The following SH3BGRL2 variants were observed in gnomAD, a reference collection of about 807,000 sequenced individuals.
SH3BGRL2 encodes the protein SH3 domain binding glutamate rich protein like 2, also known as SH3 domain-binding glutamic acid-rich-like protein 2.
Under a neutral mutation model 14.8 loss-of-function variants are expected in SH3BGRL2, and 21 were observed. The observed-to-expected ratio is 1.42, with a 90% CI of 1.01 to 2.05. The LOEUF is 2.05. Ranked by LOEUF, SH3BGRL2 falls within the 30% of genes most tolerant of loss-of-function variation. SH3BGRL2 has a pLI of 0.00. For missense variants in SH3BGRL2, 147 were observed against 130.8 expected (o/e 1.12, Z -0.61); for synonymous variants, 50 against 47.8 (o/e 1.05, Z -0.19).
the SH3BGRL2 span, among the ~76,000 whole-genome samples, chr6:79,625,062 A>C: frequency 2.0e-5 from 3 of 151,968 alleles, no homozygotes; most frequent in African/African-American, 7.3e-5. Flanking sequence ...AGTTCCAGCT[A>C]CTCAGGGAGC....
At chr6:79,620,383 G>A in the SH3BGRL2 span, among the ~76,000 whole-genome samples, 85 of 152,038 alleles carry the variant, frequency 5.6e-4, no homozygotes, top group African/African-American at 2.0e-3. Context: ...AGTGCAATGA[G>A]GTGCGTTTAT....
chr6:79,629,363 G>C (rs1467595143), upstream of SH3BGRL2, among the ~76,000 whole-genome samples: 1 of 152,038 alleles, frequency 6.6e-6, no homozygotes, highest in Non-Finnish European at 1.5e-5. Flanking sequence ...GCTTGGCCTT[G>C]CTTGGCTTAG....
intron 1 of SH3BGRL2, among the ~76,000 whole-genome samples, chr6:79,668,781 A>G (rs1235230872): frequency 1.3e-5 from 2 of 152,190 alleles, no homozygotes; most frequent in East Asian, 1.9e-4. Flanking sequence ...TTAACTGACA[A>G]TAGAATTTAT....
At chr6:79,538,032 T>TG in the SH3BGRL2 span, among the ~76,000 whole-genome samples, 2 of 113,062 alleles carry the variant, frequency 1.8e-5, no homozygotes, top group South Asian at 2.6e-4. Flanking sequence ...TTTTTTTTTT[T>TG]TTTTTTTTTT....
At chr6:79,649,985 T>TCACACACACACA (rs1554202291) in intron 1 of SH3BGRL2, among the ~76,000 whole-genome samples, 28 of 142,072 alleles carry the variant, frequency 2.0e-4, no homozygotes, top group African/African-American at 2.6e-4. Context: ...TCTCTCTCTC[T>TCACACACACACA]CACACACACA....
At chr6:79,693,924 A>G (rs1326119435) in intron 2 of SH3BGRL2, among the ~76,000 whole-genome samples, 1 of 152,212 alleles carries the variant, frequency 6.6e-6, no homozygotes, top group African/African-American at 2.4e-5. Context: ...CTTAAGGGAT[A>G]TATAAACTAG....
At chr6:79,537,883 G>C in the SH3BGRL2 span, among the ~76,000 whole-genome samples, 1 of 152,092 alleles carries the variant, frequency 6.6e-6, no homozygotes, top group Non-Finnish European at 1.5e-5. Context: ...GGAGGATGCG[G>C]GGTGAGTGCA....
At chr6:79,599,761 C>T in the SH3BGRL2 span, among the ~76,000 whole-genome samples, 3 of 152,280 alleles carry the variant, frequency 2.0e-5, no homozygotes, top group South Asian at 6.2e-4. Flanking sequence ...AGAGGACATT[C>T]TGCAAATAGA....
chr6:79,661,585 T>G (rs547522932), intron 1 of SH3BGRL2, among the ~76,000 whole-genome samples: 2 of 152,198 alleles, frequency 1.3e-5, no homozygotes, highest in Admixed American at 6.5e-5. Flanking sequence ...TGCGATATGG[T>G]GCTGAGAAGA....
chr6:79,647,846 C>CT (rs551536793), intron 1 of SH3BGRL2, among the ~76,000 whole-genome samples: 7 of 152,088 alleles, frequency 4.6e-5, no homozygotes, highest in Non-Finnish European at 1.0e-4. Context: ...TTTCCCTGTT[C>CT]TTTTTTGTCA....
At chr6:79,698,880 T>G (rs1308960602) in intron 3 of SH3BGRL2, among the ~76,000 whole-genome samples, 3 of 152,014 alleles carry the variant, frequency 2.0e-5, no homozygotes, top group Non-Finnish European at 4.4e-5. Flanking sequence ...CCATCAAAGT[T>G]AAAATTTAGT....
At chr6:79,637,632 G>A (rs1768951633) in intron 1 of SH3BGRL2, among the ~76,000 whole-genome samples, 1 of 151,934 alleles carries the variant, frequency 6.6e-6, no homozygotes, top group Non-Finnish European at 1.5e-5. Flanking sequence ...AGTAGAGATT[G>A]CATGAGCCGA....
the SH3BGRL2 span, among the ~76,000 whole-genome samples, chr6:79,554,928 T>C: frequency 2.6e-5 from 3 of 117,526 alleles, no homozygotes; most frequent in South Asian, 3.4e-4. Flanking sequence ...GCACAAATAT[T>C]ATTATTACAG....
the SH3BGRL2 span, among the ~76,000 whole-genome samples, chr6:79,556,436 T>C: frequency 6.6e-6 from 1 of 152,144 alleles, no homozygotes; most frequent in African/African-American, 2.4e-5. Flanking sequence ...TAGAAAACTT[T>C]AAAAAATTAT....
At chr6:79,555,101 C>G in the SH3BGRL2 span, among the ~76,000 whole-genome samples, 439 of 152,162 alleles carry the variant, frequency 2.9e-3, 1 homozygote, top group African/African-American at 9.7e-3. Flanking sequence ...TAAGTCATCC[C>G]AAACTGATTT....
In SH3BGRL2 at chr6:79,695,298, A is replaced by G. The variant is rs116403809; in HGVS notation, c.232-1187A>G. Among the ~76,000 whole-genome samples the G allele has an allele frequency of 4.9e-3, 751 of 152,368 alleles. 9 individuals are homozygous for G. The highest frequency in any genetic ancestry group is 0.017 in the African/African-American group (719 of 41,584). On this transcript the variant is annotated intron_variant, in intron 2 of 3. Transcript: ENST00000369838. The stretch of plus-strand genomic sequence containing the variant: ...AAATGACAGAAGGAGCAGCCTGTGA[A>G]AAACCTGAGGCTACTGCCTTCCAAA...
At chr6:79,585,394 T>C in the SH3BGRL2 span, among the ~76,000 whole-genome samples, 4 of 152,366 alleles carry the variant, frequency 2.6e-5, no homozygotes, top group Admixed American at 2.6e-4. Context: ...TTGTCTAGTC[T>C]TCTTCATTTA....
the SH3BGRL2 span, among the ~76,000 whole-genome samples, chr6:79,579,415 C>T: frequency 6.6e-6 from 1 of 152,122 alleles, no homozygotes; most frequent in African/African-American, 2.4e-5. Context: ...TTGAGTTACC[C>T]ACAAAGGGAA....
chr6:79,555,766 C>T, the SH3BGRL2 span, among the ~76,000 whole-genome samples: 1 of 152,090 alleles, frequency 6.6e-6, no homozygotes, highest in Non-Finnish European at 1.5e-5. Flanking sequence ...CCTTGGCGTC[C>T]CAAAGTGCTG....
Sources: gnomAD v4.1 joint callset for allele counts (sites outside exome capture counted in the v4.1 genomes callset) on GRCh38, gnomAD v4.1.1 for gene constraint, MANE v1.5 for transcripts, NCBI Gene and HGNC (gene_info 2026-07-23, HGNC 2026-07-21) for gene names.